PTPRD: variants seen among roughly 807,000 people sequenced by gnomAD.
PTPRD encodes the protein protein tyrosine phosphatase receptor type D.
PTPRD carries 34 observed loss-of-function variants against 214.5 expected under a neutral mutation model. The observed-to-expected ratio is 0.16, with a 90% CI of 0.12 to 0.21. PTPRD has a LOEUF of 0.21. Among genes scored for constraint, PTPRD ranks in the 10% least tolerant of loss-of-function variants. PTPRD has a pLI of 1.00. For synonymous variants in PTPRD, 1,128 were observed against 845.7 expected, an observed-to-expected ratio of 1.33 and a Z score of -5.79; for missense variants, 2,545 against 2,398.7, an observed-to-expected ratio of 1.06 and a Z score of -1.27.
intron 9 of PTPRD, among the ~76,000 whole-genome samples, chr9:9,281,619 G>C (rs1329441921): frequency 6.6e-6 from 1 of 151,238 alleles, no homozygotes. Context: ...TAAGGATGTG[G>C]AACAGCAGGA....
Position 9,708,148 on chromosome 9 carries a change from T to C in PTPRD, c.-287+26385A>G, listed in dbSNP as rs2097660938. 2.0e-5 allele frequency among the ~76,000 whole-genome samples: 3 copies of C among 152,094 alleles called. No homozygotes were observed. In the South Asian group the frequency reaches 6.2e-4, roughly 32 times the overall value. ...TTTAGTTCTATAGTTCTGCCTACGTTAGTCAAATTGACAAAACATATTTCT... is the reference window on the plus strand; with the variant it reads ...TTTAGTTCTATAGTTCTGCCTACGTCAGTCAAATTGACAAAACATATTTCT... On this transcript the variant is annotated intron_variant, in intron 7 of 45. Coordinates refer to ENST00000381196, the MANE Select transcript of PTPRD (RefSeq NM_002839.4).
At chr9:10,028,599 G>C (rs1001636274) in intron 4 of PTPRD, among the ~76,000 whole-genome samples, 4 of 152,118 alleles carry the variant, frequency 2.6e-5, no homozygotes, top group Non-Finnish European at 5.9e-5. Context: ...CTGGAGCAAA[G>C]GTGACTTTTG....
At chr9:10,408,311 G>A (rs902250640) in intron 2 of PTPRD, among the ~76,000 whole-genome samples, 1 of 151,452 alleles carries the variant, frequency 6.6e-6, no homozygotes, top group African/African-American at 2.4e-5. Context: ...TATTTCCTTA[G>A]AATAATACTA....
intron 5 of PTPRD, among the ~76,000 whole-genome samples, chr9:9,775,916 A>G (rs2098794764): frequency 7.7e-6 from 1 of 130,170 alleles, no homozygotes; most frequent in Admixed American, 9.4e-5. Context: ...AGATCGGGCC[A>G]CTGCCTCCAG....
Position 8,487,811 on chromosome 9 carries a change from AAAAC to A in PTPRD, c.2468-1466_2468-1463del, listed in dbSNP as rs67229240. Among the ~76,000 whole-genome samples the A allele has an allele frequency of 1.4e-3, 208 of 151,196 alleles. 1 individual carries two copies. The highest frequency in any genetic ancestry group is 2.6e-3 in the Non-Finnish European group (176 of 67,790). On this transcript the variant is annotated intron_variant, in intron 27 of 45. Transcript: ENST00000381196. ...GGCAACAAGAGCAAATTCCGTCTCA[AAAAC>A]AAACAAACAAACAAACAAACAAACA...
At chr9:9,153,052 T>C (rs1395734486) in intron 10 of PTPRD, among the ~76,000 whole-genome samples, 1 of 152,216 alleles carries the variant, frequency 6.6e-6, no homozygotes, top group Non-Finnish European at 1.5e-5. Context: ...GCCATGCTTC[T>C]CTTGCAATTC....
At chr9:9,965,686 T>G (rs2154030676) in intron 4 of PTPRD, among the ~76,000 whole-genome samples, 1 of 152,322 alleles carries the variant, frequency 6.6e-6, no homozygotes, top group Non-Finnish European at 1.5e-5. Context: ...AGTTGAAACA[T>G]CGGCTTTTAA....
At chr9:9,027,880 T>G (rs549216608) in intron 10 of PTPRD, among the ~76,000 whole-genome samples, 1 of 152,110 alleles carries the variant, frequency 6.6e-6, no homozygotes, top group South Asian at 2.1e-4. Flanking sequence ...CTACTAACAG[T>G]TCTTGTCATA....
chr9:8,525,386 GGTTTT>G (rs1372423529), intron 17 of PTPRD, among the ~76,000 whole-genome samples: 1 of 151,882 alleles, frequency 6.6e-6, no homozygotes, highest in African/African-American at 2.4e-5. Flanking sequence ...ATTAATTTTT[GGTTTT>G]GTTTTGTTTC....
intron 4 of PTPRD, among the ~76,000 whole-genome samples, chr9:9,946,120 G>C (rs1272362126): frequency 9.3e-6 from 1 of 107,690 alleles, no homozygotes; most frequent in Non-Finnish European, 1.8e-5. Context: ...ACTTAAATCT[G>C]CCATGCATAC....
At chr9:8,786,207 T>C (rs115481646) in intron 11 of PTPRD, among the ~76,000 whole-genome samples, 202 of 152,274 alleles carry the variant, frequency 1.3e-3, no homozygotes, top group African/African-American at 4.5e-3. Context: ...TCAGAGATAA[T>C]TGAACTTGTT....
chr9:9,089,726 G>A (rs1436406836), intron 10 of PTPRD, among the ~76,000 whole-genome samples: 1 of 152,164 alleles, frequency 6.6e-6, no homozygotes, highest in African/African-American at 2.4e-5. Context: ...CGAAGGGTTG[G>A]TGTAGAAGGG....
chr9:9,987,980 A>G (rs1269258569), intron 4 of PTPRD, among the ~76,000 whole-genome samples: 1 of 152,186 alleles, frequency 6.6e-6, no homozygotes, highest in African/African-American at 2.4e-5. Flanking sequence ...CAGCAGTTTC[A>G]TTATAATCGA....
chr9:8,633,902 C>T (rs1389001183), intron 13 of PTPRD, among the ~76,000 whole-genome samples: 2 of 151,972 alleles, frequency 1.3e-5, no homozygotes, highest in African/African-American at 4.8e-5. Context: ...GATAGCTCTG[C>T]TAGTTTAAAC....
chr9:8,827,175 C>T (rs1350935763), intron 11 of PTPRD, among the ~76,000 whole-genome samples: 3 of 152,124 alleles, frequency 2.0e-5, no homozygotes, highest in African/African-American at 7.2e-5. Context: ...GTCCTCCTAT[C>T]AATCTCCTTT....
chr9:8,561,805 G>A (rs1382286759), intron 14 of PTPRD, among the ~76,000 whole-genome samples: 1 of 151,184 alleles, frequency 6.6e-6, no homozygotes, highest in Admixed American at 6.6e-5. Context: ...AAAGGGTAAG[G>A]GTAACGGTTG....
intron 11 of PTPRD, among the ~76,000 whole-genome samples, chr9:9,017,780 C>T (rs982203141): frequency 6.6e-6 from 1 of 152,052 alleles, no homozygotes; most frequent in African/African-American, 2.4e-5. Flanking sequence ...TATTTATAAA[C>T]CATTCAAGTT....
chr9:9,614,836 T>G (rs2154348037), intron 7 of PTPRD, among the ~76,000 whole-genome samples: 1 of 152,316 alleles, frequency 6.6e-6, no homozygotes, highest in Non-Finnish European at 1.5e-5. Flanking sequence ...ATTTCTAGAT[T>G]ATCTCTGCAT....
At chr9:9,208,113 C>G (rs1314729994) in intron 9 of PTPRD, among the ~76,000 whole-genome samples, 1 of 147,218 alleles carries the variant, frequency 6.8e-6, no homozygotes, top group Admixed American at 7.1e-5. Flanking sequence ...CTCCCGTGTT[C>G]ATGCCATTCT....
Sources: gnomAD v4.1 joint callset for allele counts (sites outside exome capture counted in the v4.1 genomes callset) on GRCh38, gnomAD v4.1.1 for gene constraint, MANE v1.5 for transcripts, NCBI Gene and HGNC (gene_info 2026-07-23, HGNC 2026-07-21) for gene names.